EPHA6: variants seen among roughly 807,000 people sequenced by gnomAD.
The protein encoded by EPHA6 is ephrin type-A receptor 6.
Under a neutral mutation model 112.0 loss-of-function variants are expected in EPHA6, and 50 were observed. The ratio of observed to expected loss-of-function variants is 0.45; its 90% CI spans 0.36 to 0.56. EPHA6 has a LOEUF of 0.56. Among genes scored for constraint, EPHA6 ranks in the 20% least tolerant of loss-of-function variants. The pLI is 0.00. For synonymous variants in EPHA6, 529 were observed against 490.7 expected (o/e 1.08, Z -1.03); for missense variants, 1,280 against 1,417.4 (o/e 0.90, Z 1.56).
chr3:97,072,322 G>A (rs546073909), intron 3 of EPHA6, among the ~76,000 whole-genome samples: 22 of 152,154 alleles, frequency 1.4e-4, no homozygotes, highest in African/African-American at 5.3e-4. Flanking sequence ...TTCTTAAGGT[G>A]GACCCCAATC....
chr3:97,045,478 AT>A (rs922646092), intron 3 of EPHA6, among the ~76,000 whole-genome samples: 1 of 151,446 alleles, frequency 6.6e-6, no homozygotes, highest in Admixed American at 6.6e-5. Flanking sequence ...TACTCATTTC[AT>A]TTTTTTTCTT....
intron 6 of EPHA6, among the ~76,000 whole-genome samples, chr3:97,406,232 C>T (rs939094174): frequency 6.6e-6 from 1 of 152,068 alleles, no homozygotes; most frequent in Admixed American, 6.6e-5. Context: ...ATTTTGTCTG[C>T]TGTAACAGAA....
chr3:96,872,121 C>T (rs564494898), intron 2 of EPHA6, among the ~76,000 whole-genome samples: 1 of 152,210 alleles, frequency 6.6e-6, no homozygotes, highest in South Asian at 2.1e-4. Flanking sequence ...AATGAACAGC[C>T]TCCTGCACAA....
intron 2 of EPHA6, among the ~76,000 whole-genome samples, chr3:96,894,125 C>CT (rs1297623598): frequency 2.0e-5 from 3 of 152,098 alleles, no homozygotes; most frequent in Non-Finnish European, 4.4e-5. Flanking sequence ...GTGTTATGGG[C>CT]TACATATTGA....
At chr3:96,864,745 T>TA (rs1001655871) in intron 1 of EPHA6, among the ~76,000 whole-genome samples, 6 of 151,868 alleles carry the variant, frequency 4.0e-5, no homozygotes, top group East Asian at 3.9e-4. Flanking sequence ...CTTATAGATT[T>TA]AAAAAAAACA....
At chr3:97,116,663 A>G (rs2047896772) in intron 3 of EPHA6, among the ~76,000 whole-genome samples, 1 of 151,684 alleles carries the variant, frequency 6.6e-6, no homozygotes, top group South Asian at 2.1e-4. Flanking sequence ...TGCAGATAAC[A>G]AGATTTCTTT....
intron 13 of EPHA6, among the ~76,000 whole-genome samples, chr3:97,625,297 G>C (rs1265552975): frequency 6.6e-6 from 1 of 151,510 alleles, no homozygotes; most frequent in Non-Finnish European, 1.5e-5. Context: ...TTTCTTCTTT[G>C]ATCCATTGGT....
At chr3:97,040,749 C>A (rs2045283805) in intron 3 of EPHA6, among the ~76,000 whole-genome samples, 1 of 152,056 alleles carries the variant, frequency 6.6e-6, no homozygotes, top group Admixed American at 6.6e-5. Context: ...TCTGCAACAG[C>A]AAAGCAATGA....
At chr3:97,507,374 G>A (rs1577609826) in intron 10 of EPHA6, among the ~76,000 whole-genome samples, 3 of 152,288 alleles carry the variant, frequency 2.0e-5, no homozygotes, top group East Asian at 3.9e-4. Flanking sequence ...TTAGCATGAA[G>A]GAGTGTCGAA....
chr3:97,040,478 G>T (rs1390203629), intron 3 of EPHA6, among the ~76,000 whole-genome samples: 2 of 151,994 alleles, frequency 1.3e-5, no homozygotes, highest in African/African-American at 4.8e-5. Flanking sequence ...ATTAAGGTGT[G>T]TAAGCCATTT....
chr3:97,739,167 A>C (rs750105295), intron 16 of EPHA6, among the ~76,000 whole-genome samples: 7 of 152,120 alleles, frequency 4.6e-5, no homozygotes, highest in Non-Finnish European at 5.9e-5. Flanking sequence ...TTAAGGAAAC[A>C]TGACATATGT....
At chr3:97,661,090 C>G (rs1378398758) in intron 14 of EPHA6, among the ~76,000 whole-genome samples, 1 of 152,022 alleles carries the variant, frequency 6.6e-6, no homozygotes, top group African/African-American at 2.4e-5. Context: ...ATATTAGTTC[C>G]CTGCTCTTTT....
chr3:97,346,151 A>G (rs181961415), intron 5 of EPHA6, among the ~76,000 whole-genome samples: 3 of 152,208 alleles, frequency 2.0e-5, no homozygotes, highest in Admixed American at 2.0e-4. Flanking sequence ...CAGTTCATCA[A>G]CTAATGAATT....
intron 3 of EPHA6, among the ~76,000 whole-genome samples, chr3:97,079,773 G>T (rs186535372): frequency 6.6e-6 from 1 of 151,964 alleles, no homozygotes; most frequent in Non-Finnish European, 1.5e-5. Flanking sequence ...CTTATTTTAA[G>T]AAATTACCAC....
In EPHA6 at chr3:97,555,082, C is replaced by A. The variant is rs184467574; in HGVS notation, c.2386+22539C>A. Among the ~76,000 whole-genome samples the A allele has an allele frequency of 5.1e-3, 718 of 139,878 alleles. 9 individuals carry two copies. Among genetic ancestry groups the A allele is most frequent in the African/African-American group, 0.016 (621 of 38,068 alleles). The allele number at this position is 139,878 out of a possible 152,430, so 91.8% of individuals were successfully genotyped here. ...TCTCCTAATGGAATCCCTCCCCCTTCCCCCCACCCCACAACAGTCCCCAGA... is the reference window on the plus strand; with the variant it reads ...TCTCCTAATGGAATCCCTCCCCCTTACCCCCACCCCACAACAGTCCCCAGA... On this transcript the variant is annotated intron_variant, in intron 11 of 17. Coordinates refer to ENST00000389672, the MANE Select transcript of EPHA6 (RefSeq NM_001080448.3).
At chr3:97,334,465 C>CT (rs1197089262) in intron 5 of EPHA6, among the ~76,000 whole-genome samples, 6 of 142,878 alleles carry the variant, frequency 4.2e-5, no homozygotes, top group Admixed American at 6.9e-5. Context: ...TCTTTTCTTT[C>CT]TTTTTTTTTC....
rs537000006 is a variant in EPHA6 at position 97,654,558 on chromosome 3, G to A, written c.2784+16476G>A. 7.2e-5 allele frequency among the ~76,000 whole-genome samples: 11 copies of A among 152,018 alleles called. No individual in the cohort carries two copies. The East Asian group carries it at 7.8e-4, about 11-fold the overall frequency. ...GTAGCTACCTTGAAAGACATGGCCAGTAAATATTTCTTTAATAAGGTTGTC... is the reference window on the plus strand; with the variant it reads ...GTAGCTACCTTGAAAGACATGGCCAATAAATATTTCTTTAATAAGGTTGTC... On this transcript the variant is annotated intron_variant, in intron 14 of 17. Transcript: ENST00000389672.
chr3:97,342,694 C>CCT (rs149790718), intron 5 of EPHA6, among the ~76,000 whole-genome samples: 113 of 149,796 alleles, frequency 7.5e-4, no homozygotes, highest in African/African-American at 1.6e-3. Flanking sequence ...GTCTCCTTGC[C>CCT]CTCTCTCTCT....
chr3:97,193,627 A>G (rs1029594358), intron 3 of EPHA6, among the ~76,000 whole-genome samples: 2 of 151,522 alleles, frequency 1.3e-5, no homozygotes, highest in African/African-American at 4.8e-5. Flanking sequence ...TGTCCTTTAT[A>G]TCTTTCTCTT....
Sources: gnomAD v4.1 joint callset for allele counts (sites outside exome capture counted in the v4.1 genomes callset) on GRCh38, gnomAD v4.1.1 for gene constraint, MANE v1.5 for transcripts, NCBI Gene and HGNC (gene_info 2026-07-23, HGNC 2026-07-21) for gene names.